Variants in HHAT observed in about 807,000 individuals in gnomAD.
HHAT encodes hedgehog acyltransferase.
A neutral mutation model predicts 70.8 loss-of-function variants in HHAT; 47 were observed. The ratio of observed to expected loss-of-function variants is 0.66; its 90% CI spans 0.53 to 0.85. The LOEUF is 0.85. Ranked by LOEUF, HHAT falls within the 40% of genes least tolerant of loss-of-function variation. The probability of loss-of-function intolerance (pLI) is 0.00; values close to 1 mark genes in which losing one functional copy is unlikely to be tolerated. For synonymous variants in HHAT, 228 were observed against 247.6 expected, an observed-to-expected ratio of 0.92 and a Z score of 0.74; for missense variants, 609 against 604.8, an observed-to-expected ratio of 1.01 and a Z score of -0.07.
At chr1:210,384,652 A>T (rs983100832) in intron 3 of HHAT, among the ~76,000 whole-genome samples, 4 of 152,252 alleles carry the variant, frequency 2.6e-5, no homozygotes, top group African/African-American at 9.6e-5. Context: ...CCTGGCTGAG[A>T]TTTAGCTCCA....
At chr1:210,507,107 G>A (rs1330581994) in intron 8 of HHAT, among the ~76,000 whole-genome samples, 1 of 152,172 alleles carries the variant, frequency 6.6e-6, no homozygotes, top group Non-Finnish European at 1.5e-5. Context: ...AGACATTGGT[G>A]TCTGCTCTGA....
At chr1:210,627,238 T>C (rs1281771781) in intron 11 of HHAT, among the ~76,000 whole-genome samples, 1 of 152,126 alleles carries the variant, frequency 6.6e-6, no homozygotes, top group Non-Finnish European at 1.5e-5. Context: ...TGAGGAGATT[T>C]GCACACACCT....
chr1:210,380,601 A>T (rs1030486499), intron 3 of HHAT, among the ~76,000 whole-genome samples: 2 of 152,094 alleles, frequency 1.3e-5, no homozygotes, highest in African/African-American at 2.4e-5. Flanking sequence ...GCTTTGTTAC[A>T]GGTAACCGTA....
At chr1:210,405,057 A>C (rs2092271759) in intron 6 of HHAT, among the ~76,000 whole-genome samples, 1 of 152,204 alleles carries the variant, frequency 6.6e-6, no homozygotes, top group Non-Finnish European at 1.5e-5. Context: ...GAAACTGTCT[A>C]AGCTGTTGCT....
chr1:210,362,236 C>CTTTTTTTTTTTTTTTTTTTTTTTTTT (rs72236593), intron 2 of HHAT, among the ~76,000 whole-genome samples: 1 of 139,674 alleles, frequency 7.2e-6, no homozygotes. Flanking sequence ...GTCAAAATTT[C>CTTTTTTTTTTTTTTTTTTTTTTTTTT]TTTTTTTTTT....
intron 8 of HHAT, among the ~76,000 whole-genome samples, chr1:210,474,875 G>A (rs2148469660): frequency 6.6e-6 from 1 of 151,172 alleles, no homozygotes; most frequent in Non-Finnish European, 1.5e-5. Flanking sequence ...TTTTGAGACA[G>A]GGTCTTGCTC....
chr1:210,549,055 G>A (rs1444007599), intron 9 of HHAT, among the ~76,000 whole-genome samples: 1 of 152,180 alleles, frequency 6.6e-6, no homozygotes, highest in African/African-American at 2.4e-5. Flanking sequence ...TCTTGGCTCT[G>A]CCACTTACTA....
chr1:210,594,658 A>G (rs1662528880), intron 10 of HHAT, among the ~76,000 whole-genome samples: 1 of 152,164 alleles, frequency 6.6e-6, no homozygotes, highest in South Asian at 2.1e-4. Context: ...CTGCACCTTC[A>G]GATGATTTCT....
At chr1:210,465,211 C>T (rs116054397) in intron 8 of HHAT, among the ~76,000 whole-genome samples, 8 of 152,184 alleles carry the variant, frequency 5.3e-5, no homozygotes, top group African/African-American at 1.9e-4. Context: ...TTAGCTTTAA[C>T]ACTTGTGTTA....
chr1:210,346,686 G>A (rs1185127901), intron 1 of HHAT, among the ~76,000 whole-genome samples: 1 of 152,202 alleles, frequency 6.6e-6, no homozygotes, highest in Non-Finnish European at 1.5e-5. Flanking sequence ...TTCTGAAATC[G>A]TGGTTTATCA....
intron 9 of HHAT, among the ~76,000 whole-genome samples, chr1:210,563,210 A>G (rs1275788650): frequency 1.3e-5 from 2 of 152,206 alleles, no homozygotes; most frequent in Non-Finnish European, 2.9e-5. Context: ...TGTGGGATAT[A>G]GATTCTGGAA....
At chr1:210,529,882 A>G (rs780033737) in intron 9 of HHAT, among the ~76,000 whole-genome samples, 2 of 152,206 alleles carry the variant, frequency 1.3e-5, no homozygotes, top group Non-Finnish European at 2.9e-5. Context: ...CTGTGAGTAC[A>G]TGTCCTTTAA....
chr1:210,625,928 A>G (rs1669744608), intron 11 of HHAT, among the ~76,000 whole-genome samples: 1 of 152,238 alleles, frequency 6.6e-6, no homozygotes, highest in Admixed American at 6.5e-5. Context: ...ACCCAAGTAC[A>G]GGGCAGGGGT....
At chr1:210,367,745 T>C (rs2089142146) in intron 3 of HHAT, among the ~76,000 whole-genome samples, 1 of 152,180 alleles carries the variant, frequency 6.6e-6, no homozygotes, top group Admixed American at 6.5e-5. Context: ...ATCTTTGTCA[T>C]TTCTTTGAGG....
chr1:210,465,387 A>G (rs769607710), intron 8 of HHAT, among the ~76,000 whole-genome samples: 2 of 152,164 alleles, frequency 1.3e-5, no homozygotes, highest in African/African-American at 4.8e-5. Flanking sequence ...TGTTCCTCTT[A>G]TCGCTTCCAG....
At chr1:210,653,186 A>G (rs906813419) in intron 11 of HHAT, among the ~76,000 whole-genome samples, 2 of 152,188 alleles carry the variant, frequency 1.3e-5, no homozygotes, top group Non-Finnish European at 2.9e-5. Context: ...AGAACCTTAA[A>G]AAATAGGAAG....
intron 7 of HHAT, among the ~76,000 whole-genome samples, chr1:210,459,832 G>A (rs1315526799): frequency 6.6e-6 from 1 of 152,202 alleles, no homozygotes; most frequent in East Asian, 1.9e-4. Flanking sequence ...AACAATGATT[G>A]CCTCTGTCTC....
intron 3 of HHAT, chr1:210,374,231 G>T (rs111733511): frequency 6.6e-6 from 1 of 151,424 alleles, no homozygotes; most frequent in Non-Finnish European, 1.5e-5. Flanking sequence ...TTTAGTAAAA[G>T]GCGAAAGATT....
intron 11 of HHAT, among the ~76,000 whole-genome samples, chr1:210,625,117 G>C (rs1012723186): frequency 6.6e-6 from 1 of 152,202 alleles, no homozygotes; most frequent in African/African-American, 2.4e-5. Flanking sequence ...GTCACTAAAA[G>C]ACCCCTCTTT....
Sources: allele counts gnomAD v4.1 joint callset (sites outside exome capture counted in the v4.1 genomes callset), GRCh38; gene constraint gnomAD v4.1.1; transcripts MANE v1.5; gene names NCBI Gene and HGNC (gene_info 2026-07-23, HGNC 2026-07-21).